The following ENPP3 variants were observed in gnomAD, a reference collection of about 807,000 sequenced individuals.
ENPP3 encodes ectonucleotide pyrophosphatase/phosphodiesterase 3.
Under a neutral mutation model 117.8 loss-of-function variants are expected in ENPP3, and 104 were observed. That is an observed-to-expected ratio of 0.88 (90% confidence interval 0.75 to 1.04). ENPP3 has a LOEUF of 1.04. Among genes scored for constraint, ENPP3 ranks in the 50% least tolerant of loss-of-function variants. The probability of loss-of-function intolerance (pLI) is 0.00; values close to 1 mark genes in which losing one functional copy is unlikely to be tolerated. For missense variants in ENPP3, 1,026 were observed against 1,051.9 expected (o/e 0.98, Z 0.34); for synonymous variants, 380 against 349.9 (o/e 1.09, Z -0.96).
intron 8 of ENPP3, 153 bp downstream of exon 8, chr6:131,674,434 T>A (rs1034820499): frequency 4.2e-6 from 3 of 722,088 alleles, no homozygotes; most frequent in African/African-American, 3.5e-5. Flanking sequence ...ATTTGTAACT[T>A]GAATTTTTAA....
At position 131,666,166 on chromosome 6, in the gene ENPP3, A is replaced by G. The variant is rs560549609; in HGVS notation, c.563-5082A>G. On this transcript the variant is annotated intron_variant, in intron 6 of 24. Transcript: ENST00000357639. The stretch of plus-strand genomic sequence containing the variant: ...AATGTTCCATGCATACTTGAGAAAA[A>G]CATGTTGTGTTGGGTTTAATGTTCT... Among the ~76,000 whole-genome samples, 5 of 152,182 alleles carry G rather than the reference A, an allele frequency of 3.3e-5. No individual in the cohort carries two copies. In the South Asian group the frequency reaches 1.0e-3, roughly 32 times the overall value.
chr6:131,690,427 C>T (rs1255871350), intron 14 of ENPP3, among the ~76,000 whole-genome samples: 1 of 152,212 alleles, frequency 6.6e-6, no homozygotes, highest in Admixed American at 6.5e-5. Context: ...ACTCACTGAA[C>T]GCTCAGAGGA....
In ENPP3 at chr6:131,676,864, T is replaced by G. The variant is rs190416276; in HGVS notation, c.938+63T>G. 346 of 1,070,106 alleles carry G rather than the reference T, an allele frequency of 3.2e-4. 2 individuals are homozygous for G. The African/African-American group carries it at 3.8e-3, about 12-fold the overall frequency. The allele number at this position is 1,070,106 out of a possible 1,614,324, so 66.3% of individuals were successfully genotyped here. ...ATATATATGGGTAAAAAATGAAGTT[T>G]TTTTTTTTTTACTTTAAATTACAAT... On this transcript the variant is annotated intron_variant, in intron 10 of 24. Transcript: ENST00000357639.
chr6:131,639,086 C>A (rs934172978), intron 1 of ENPP3, among the ~76,000 whole-genome samples: 5 of 151,938 alleles, frequency 3.3e-5, no homozygotes, highest in Admixed American at 6.6e-5. Flanking sequence ...CACCGCTATT[C>A]TCTGTCTCTC....
chr6:131,722,707 T>A (rs779488338), intron 18 of ENPP3, among the ~76,000 whole-genome samples: 11 of 152,176 alleles, frequency 7.2e-5, no homozygotes, highest in Non-Finnish European at 1.6e-4. Context: ...TCTCCAACTT[T>A]CCTTATAAAC....
intron 12 of ENPP3, among the ~76,000 whole-genome samples, chr6:131,684,093 T>G (rs1343321201): frequency 1.3e-5 from 2 of 152,084 alleles, no homozygotes; most frequent in African/African-American, 4.8e-5. Context: ...GATAGGTACT[T>G]TCCTAGATAT....
At chr6:131,669,935 T>C (rs1778704678) in intron 6 of ENPP3, among the ~76,000 whole-genome samples, 3 of 152,338 alleles carry the variant, frequency 2.0e-5, no homozygotes, top group Middle Eastern at 3.4e-3. Flanking sequence ...TTAAAGAGAA[T>C]TGATAACGGT....
chr6:131,671,652 A>G (rs1039220795), intron 7 of ENPP3, among the ~76,000 whole-genome samples: 16 of 152,328 alleles, frequency 1.1e-4, no homozygotes, highest in South Asian at 4.2e-4. Context: ...TGGGAACAGT[A>G]GGCTATATAT....
chr6:131,702,416 A>G (rs1364047382), intron 15 of ENPP3, among the ~76,000 whole-genome samples: 1 of 152,086 alleles, frequency 6.6e-6, no homozygotes, highest in Non-Finnish European at 1.5e-5. Context: ...TTTTTAGCCC[A>G]GAACATTATT....
rs1359091667 is a variant in ENPP3, at chr6:131,726,091, T to C, written c.1844T>C (p.Val615Ala). The C allele has an allele frequency of 6.2e-7, 1 of 1,613,260 alleles. No individual in the cohort carries two copies. Among genetic ancestry groups the C allele is most frequent in the South Asian group, 1.1e-5 (1 of 91,042 alleles). The change falls in exon 20 of 25, where the codon GTA becomes GCA. Residue 615 changes from valine (V) to alanine (A), a missense_variant. Val to Ala is a moderately conservative substitution (Grantham distance 64). Transcript: ENST00000357639. ...KVNLPFGRPR[V>A]LQKNVDHCLL... Reference sequence around the variant, plus strand: ...AATTTGCCATTTGGGAGGCCTAGGGTACTGCAGAAGAACGTGGACCACTGT... The same window carrying C: ...AATTTGCCATTTGGGAGGCCTAGGGCACTGCAGAAGAACGTGGACCACTGT...
chr6:131,694,442 T>A (rs567131800), intron 15 of ENPP3, among the ~76,000 whole-genome samples: 9 of 151,912 alleles, frequency 5.9e-5, no homozygotes, highest in Admixed American at 5.9e-4. Flanking sequence ...CTTTTTTCCT[T>A]ATGCATAAGT....
At chr6:131,686,582 G>A (rs1236680498) in intron 14 of ENPP3, among the ~76,000 whole-genome samples, 1 of 152,122 alleles carries the variant, frequency 6.6e-6, no homozygotes, top group East Asian at 1.9e-4. Context: ...GGAATATTGT[G>A]TGAGTCTGAG....
chr6:131,650,042 A>G lies in ENPP3; in HGVS notation c.170A>G (p.Lys57Arg). The G allele has an allele frequency of 6.2e-7, 1 of 1,614,018 alleles. No homozygotes were observed. The highest frequency in any genetic ancestry group is 8.5e-7 in the Non-Finnish European group (1 of 1,179,942). Residue 57 changes from lysine (K) to arginine (R), a missense_variant, in exon 3 of 25, where the codon AAG becomes AGG. Coordinates refer to ENST00000357639, the MANE Select transcript of ENPP3 (RefSeq NM_005021.5). ...TACTTTGTAGGCAGCTGCAGGAAGA[A>G]GTGCTTTGATGCATCATTTAGAGGA... ...KLEKQGSCRK[K>R]CFDASFRGLE...
At chr6:131,706,532 A>C (rs1779641570) in intron 15 of ENPP3, among the ~76,000 whole-genome samples, 1 of 151,154 alleles carries the variant, frequency 6.6e-6, no homozygotes, top group Admixed American at 6.6e-5. Flanking sequence ...ATTTCTCAGA[A>C]CGTATCCGCA....
chr6:131,739,120 CTG>C (rs987715215), intron 23 of ENPP3, among the ~76,000 whole-genome samples: 26 of 152,158 alleles, frequency 1.7e-4, no homozygotes, highest in African/African-American at 6.3e-4. Context: ...GTTAAGGAAA[CTG>C]GGGTTAAACA....
chr6:131,650,240 G>A, intron 3 of ENPP3, 91 bp downstream of exon 3: 1 of 1,404,686 alleles, frequency 7.1e-7, no homozygotes, highest in East Asian at 2.3e-5. Flanking sequence ...TTTTTTTTGA[G>A]ACAGAGTGTC....
In ENPP3 at chr6:131,655,780, A is replaced by G. The variant is rs111986991; in HGVS notation, c.465-2543A>G. ...GCTGGAGCAGCATCCCAGAGAAATT[A>G]CAGGACTGATTTGTCAATCTTGATG... On this transcript the variant is annotated intron_variant, in intron 5 of 24. Transcript: ENST00000357639. Among the ~76,000 whole-genome samples, 423 of 152,302 alleles carry G rather than the reference A, an allele frequency of 2.8e-3. 3 individuals are homozygous for G. Among genetic ancestry groups the G allele is most frequent in the African/African-American group, 9.8e-3 (409 of 41,570 alleles).
intron 11 of ENPP3, among the ~76,000 whole-genome samples, chr6:131,680,890 T>G (rs1178110510): frequency 6.6e-6 from 1 of 152,178 alleles, no homozygotes; most frequent in African/African-American, 2.4e-5. Context: ...TCAAGAAATA[T>G]GTAATGATTT....
intron 7 of ENPP3, among the ~76,000 whole-genome samples, chr6:131,671,588 A>G (rs745656498): frequency 3.9e-5 from 6 of 152,202 alleles, no homozygotes; most frequent in Non-Finnish European, 7.3e-5. Context: ...TTGATGTGAG[A>G]AATACCATTT....
Sources: gnomAD v4.1 joint callset for allele counts (sites outside exome capture counted in the v4.1 genomes callset) on GRCh38, gnomAD v4.1.1 for gene constraint, MANE v1.5 for transcripts, NCBI Gene and HGNC (gene_info 2026-07-23, HGNC 2026-07-21) for gene names.